The following SNX13 variants were observed in gnomAD, a reference collection of about 807,000 sequenced individuals.
The protein encoded by SNX13 is sorting nexin 13, also known as sorting nexin-13.
In SNX13, 45 loss-of-function variants were observed where a neutral mutation model predicts 133.6. That is an observed-to-expected ratio of 0.34 (90% CI 0.27 to 0.43). The LOEUF is 0.43. SNX13 is among the 20% of genes least tolerant of loss of function. The pLI is 1.00. For missense variants in SNX13, 1,032 were observed against 1,145.1 expected, an observed-to-expected ratio of 0.90 and a Z score of 1.43; for synonymous variants, 414 against 373.9, an observed-to-expected ratio of 1.11 and a Z score of -1.24.
At chr7:17,866,706 C>G (rs1037822679) in intron 9 of SNX13, among the ~76,000 whole-genome samples, 3 of 152,048 alleles carry the variant, frequency 2.0e-5, no homozygotes, top group Admixed American at 6.6e-5. Context: ...TGTTTCTTTA[C>G]CAGATGCTGA....
intron 16 of SNX13, 79 bp downstream of exon 16, chr7:17,829,931 A>T: frequency 9.7e-7 from 1 of 1,031,362 alleles, no homozygotes; most frequent in Non-Finnish European, 1.4e-6. Flanking sequence ...TTTATATATC[A>T]TTTATTTATA....
chr7:17,939,376 C>T (rs1178309037), intron 1 of SNX13, among the ~76,000 whole-genome samples: 5 of 152,206 alleles, frequency 3.3e-5, no homozygotes, highest in African/African-American at 4.8e-5. Flanking sequence ...TTCATCAAAT[C>T]ACAAGGTTCA....
At chr7:17,847,204 G>A (rs1370784079) in intron 11 of SNX13, among the ~76,000 whole-genome samples, 1 of 149,500 alleles carries the variant, frequency 6.7e-6, no homozygotes, top group African/African-American at 2.5e-5. Flanking sequence ...ATATAAACTA[G>A]TTTTAAAATA....
chr7:17,850,624 T>C lies in SNX13; in HGVS notation c.977-189A>G, dbSNP rs546607308. ...TAAACCATGCCAATTACCTCCACTT[T>C]AGGGATAATTACAATAATCACATTC... On this transcript the variant is annotated intron_variant, in intron 10 of 25. Transcript: ENST00000428135. 1.0e-3 allele frequency among the ~76,000 whole-genome samples: 156 copies of C among 152,302 alleles called. 1 individual carries two copies. Among genetic ancestry groups the C allele is most frequent in the Non-Finnish European group, 1.7e-3 (116 of 68,012 alleles).
chr7:17,901,325 T>A (rs753344805), intron 1 of SNX13, among the ~76,000 whole-genome samples: 19 of 152,172 alleles, frequency 1.2e-4, no homozygotes, highest in Non-Finnish European at 1.5e-4. Flanking sequence ...TCGCCCCAGC[T>A]GGTGTCTCAC....
chr7:17,907,533 G>C (rs1267633914), intron 1 of SNX13, among the ~76,000 whole-genome samples: 1 of 152,018 alleles, frequency 6.6e-6, no homozygotes, highest in African/African-American at 2.4e-5. Flanking sequence ...GGCTTTTCTT[G>C]AAAAACAGAA....
intron 1 of SNX13, among the ~76,000 whole-genome samples, chr7:17,936,575 C>T (rs1187987663): frequency 4.6e-5 from 7 of 152,144 alleles, no homozygotes; most frequent in Admixed American, 4.6e-4. Flanking sequence ...TATGCCACAA[C>T]ACTGGAATGT....
intron 9 of SNX13, among the ~76,000 whole-genome samples, chr7:17,860,245 G>C (rs980120136): frequency 3.9e-5 from 6 of 151,914 alleles, no homozygotes. Context: ...TAATGATTAG[G>C]GATGTTGCAC....
chr7:17,813,302 G>T (rs1376798702), intron 20 of SNX13, among the ~76,000 whole-genome samples: 1 of 151,986 alleles, frequency 6.6e-6, no homozygotes, highest in Non-Finnish European at 1.5e-5. Context: ...AAAAAACATG[G>T]AACACTAAAA....
intron 12 of SNX13, among the ~76,000 whole-genome samples, chr7:17,842,461 G>C (rs1441553432): frequency 6.6e-6 from 1 of 151,890 alleles, no homozygotes; most frequent in Non-Finnish European, 1.5e-5. Context: ...GTGCTGAAGG[G>C]TAAATTAAAC....
At chr7:17,806,813 G>A (rs1269661472) in intron 20 of SNX13, among the ~76,000 whole-genome samples, 1 of 152,190 alleles carries the variant, frequency 6.6e-6, no homozygotes, top group African/African-American at 2.4e-5. Flanking sequence ...AGGGCGAGCT[G>A]AAGCAGGGTG....
intron 1 of SNX13, among the ~76,000 whole-genome samples, chr7:17,909,578 A>T (rs1298198089): frequency 3.3e-5 from 5 of 152,240 alleles, no homozygotes; most frequent in African/African-American, 1.2e-4. Flanking sequence ...GGGTCGAGCT[A>T]GAAGCCATTA....
In SNX13 at chr7:17,897,446, C is replaced by G; in HGVS notation, c.13G>C (p.Ala5Pro). The change falls in exon 2 of 26, where the codon GCC becomes CCC. Residue 5 changes from alanine (A) to proline (P), a missense_variant and splice_region_variant. Transcript: ENST00000428135. MLTE[A>P]SLSIWGWGSL... ...CCCCATCCCCATATGGATAGACTGGCCTGAAATACAGAAAAAATATAAGTA... is the reference window on the plus strand; with the variant it reads ...CCCCATCCCCATATGGATAGACTGGGCTGAAATACAGAAAAAATATAAGTA... The G allele has an allele frequency of 1.3e-6, 2 of 1,532,108 alleles. No homozygotes were observed. The highest frequency in any genetic ancestry group is 4.6e-5 in the East Asian group (2 of 43,144). The allele number at this position is 1,532,108 out of a possible 1,614,324, so 94.9% of individuals were successfully genotyped here. A position where few individuals can be genotyped will look rare whatever the true frequency, so the allele number is the denominator to read the frequency against.
Position 17,850,365 on chromosome 7 carries a change from C to T in SNX13, c.1047G>A (p.Gln349=), listed in dbSNP as rs774516799. Residue 349 remains glutamine, a synonymous_variant, in exon 11 of 26, where the codon CAG becomes CAA. Coordinates refer to ENST00000428135, the MANE Select transcript of SNX13 (RefSeq NM_015132.5). ...TACTTACTTTGCCTGACTGCAATCG[C>T]TGTATTCTTGAGTCACATACCTTCT... ...FVKKVCDSRI[Q]RLQSGKEINT... 1 of 1,596,456 alleles carries T rather than the reference C, an allele frequency of 6.3e-7. No individual in the cohort carries two copies. The highest frequency in any genetic ancestry group is 2.2e-5 in the East Asian group (1 of 44,496).
chr7:17,910,107 T>TTA (rs1156543152), intron 1 of SNX13, among the ~76,000 whole-genome samples: 2 of 152,154 alleles, frequency 1.3e-5, no homozygotes, highest in Non-Finnish European at 2.9e-5. Flanking sequence ...CTAACATAAC[T>TTA]CCTTCAAAGT....
rs1201296005 is a variant in SNX13 at position 17,807,166 on chromosome 7, A to T, written c.2065-3586T>A. 2.0e-5 allele frequency among the ~76,000 whole-genome samples: 3 copies of T among 152,078 alleles called. No homozygotes were observed. The East Asian group carries it at 5.8e-4, about 29-fold the overall frequency. On this transcript the variant is annotated intron_variant, in intron 20 of 25. Coordinates refer to ENST00000428135, the MANE Select transcript of SNX13 (RefSeq NM_015132.5). ...GAAGCCAAGTGGTCTAGCTCAGCAG[A>T]TCCCACCCCCACGGAGCCCAGCAAG...
chr7:17,896,964 TA>T (rs1204110840), intron 2 of SNX13, among the ~76,000 whole-genome samples: 1 of 152,124 alleles, frequency 6.6e-6, no homozygotes, highest in Non-Finnish European at 1.5e-5. Flanking sequence ...TTCTATAATG[TA>T]AAACTTCATG....
Position 17,882,932 on chromosome 7 carries a change from C to G in SNX13, c.441-7142G>C, listed in dbSNP as rs576913673. The G allele has an allele frequency of 6.3e-4, 481 of 768,654 alleles. 2 individuals are homozygous for G. The African/African-American group carries it at 8.6e-3, about 14-fold the overall frequency. The allele number at this position is 768,654 out of a possible 1,614,324, so 47.6% of individuals were successfully genotyped here. On this transcript the variant is annotated intron_variant, in intron 5 of 25. Transcript: ENST00000428135. ...CGCCATTGTACTCCAGCCTGGGCGA[C>G]AGGGCGAGACTCTGTCTCAAAAACA...
At position 17,792,583 on chromosome 7, in the gene SNX13, A is replaced by G. The variant is rs554725182; in HGVS notation, c.*1462T>C. Reference sequence around the variant, plus strand: ...GCTCCCAAATAACTGGGATACCAATACTCTGTCCCTTTATCTTAAGCACCC... The same window carrying G: ...GCTCCCAAATAACTGGGATACCAATGCTCTGTCCCTTTATCTTAAGCACCC... On this transcript the variant is annotated 3_prime_UTR_variant, in exon 26 of 26. Transcript: ENST00000428135. 6.6e-6 allele frequency: 1 copy of G among 152,386 alleles called. No individual in the cohort carries two copies. The highest frequency in any genetic ancestry group is 2.1e-4 in the South Asian group (1 of 4,820). 9.4% of individuals were successfully genotyped at this position (152,386 alleles called of 1,614,324 possible). A position where few individuals can be genotyped will look rare whatever the true frequency, so the allele number is the denominator to read the frequency against.
Sources: gnomAD v4.1 joint callset for allele counts (sites outside exome capture counted in the v4.1 genomes callset) on GRCh38, gnomAD v4.1.1 for gene constraint, MANE v1.5 for transcripts, NCBI Gene and HGNC (gene_info 2026-07-23, HGNC 2026-07-21) for gene names.